The following KAZN variants were observed in gnomAD, a reference collection of about 807,000 sequenced individuals.
The protein encoded by KAZN is kazrin, periplakin interacting protein.
Under a neutral mutation model 87.4 loss-of-function variants are expected in KAZN, and 40 were observed. The ratio of observed to expected loss-of-function variants is 0.46; its 90% CI spans 0.36 to 0.60. KAZN has a LOEUF of 0.60. Ranked by LOEUF, KAZN falls within the 20% of genes least tolerant of loss-of-function variation. The pLI is 0.00. For synonymous variants in KAZN, 466 were observed against 458.3 expected, an observed-to-expected ratio of 1.02 and a Z score of -0.22; for missense variants, 898 against 1,073.9, an observed-to-expected ratio of 0.84 and a Z score of 2.29.
chr1:14,338,709 A>G (rs576287392), intron 2 of KAZN, among the ~76,000 whole-genome samples: 30 of 152,314 alleles, frequency 2.0e-4, no homozygotes, highest in African/African-American at 7.2e-4. Context: ...ATTGTGTTCA[A>G]TCTGGCAGGG....
intron 1 of KAZN, among the ~76,000 whole-genome samples, chr1:14,717,946 T>C (rs1642887283): frequency 6.6e-6 from 1 of 152,190 alleles, no homozygotes; most frequent in Non-Finnish European, 1.5e-5. Flanking sequence ...CTCTCTTTGG[T>C]TCAGAATACA....
intron 1 of KAZN, among the ~76,000 whole-genome samples, chr1:14,628,409 C>T (rs550421577): frequency 6.6e-6 from 1 of 152,060 alleles, no homozygotes; most frequent in Non-Finnish European, 1.5e-5. Context: ...TAGATAAAGC[C>T]CAATGTGAGA....
chr1:14,089,792 G>C (rs984582143), intron 1 of KAZN, among the ~76,000 whole-genome samples: 4 of 152,144 alleles, frequency 2.6e-5, no homozygotes, highest in Non-Finnish European at 5.9e-5. Context: ...GCTTCAGCCA[G>C]TGTATCAGCA....
intron 1 of KAZN, among the ~76,000 whole-genome samples, chr1:14,046,556 C>T (rs189747464): frequency 9.2e-5 from 14 of 152,296 alleles, no homozygotes; most frequent in Admixed American, 4.6e-4. Context: ...TTTTTCCTCC[C>T]GCATAGAACT....
At chr1:14,604,852 G>A (rs60804745) in intron 1 of KAZN, among the ~76,000 whole-genome samples, 26,857 of 152,140 alleles carry the variant, frequency 0.18, 2,581 homozygotes, top group East Asian at 0.32. Flanking sequence ...AGAGCCCCAG[G>A]GCCTCTGCCC....
At chr1:14,194,740 CT>C (rs1646491890) in intron 2 of KAZN, among the ~76,000 whole-genome samples, 1 of 152,128 alleles carries the variant, frequency 6.6e-6, no homozygotes, top group African/African-American at 2.4e-5. Context: ...GGCATGGGCC[CT>C]TGAGGGAACG....
At chr1:14,332,734 G>A (rs1162983231) in intron 2 of KAZN, among the ~76,000 whole-genome samples, 1 of 152,172 alleles carries the variant, frequency 6.6e-6, no homozygotes, top group African/African-American at 2.4e-5. Context: ...CCTTGGGCAA[G>A]TCACTTAACA....
intron 1 of KAZN, among the ~76,000 whole-genome samples, chr1:14,619,465 A>G (rs1179359316): frequency 2.0e-5 from 3 of 152,174 alleles, no homozygotes; most frequent in Non-Finnish European, 4.4e-5. Flanking sequence ...CCCCCAAAGC[A>G]CTGGGATTGC....
At chr1:14,495,359 G>T (rs1178315028) in intron 2 of KAZN, among the ~76,000 whole-genome samples, 1 of 152,090 alleles carries the variant, frequency 6.6e-6, no homozygotes, top group Non-Finnish European at 1.5e-5. Flanking sequence ...CTAGATGAAG[G>T]CCACAGCATG....
intron 1 of KAZN, among the ~76,000 whole-genome samples, chr1:14,026,745 A>G (rs1641091580): frequency 6.6e-6 from 1 of 152,188 alleles, no homozygotes; most frequent in African/African-American, 2.4e-5. Context: ...TTCTGGTCCA[A>G]GAATTGCAGC....
intron 2 of KAZN, among the ~76,000 whole-genome samples, chr1:15,003,118 G>A (rs1031528512): frequency 6.6e-6 from 1 of 152,138 alleles, no homozygotes; most frequent in African/African-American, 2.4e-5. Context: ...CGGCTGGGAC[G>A]GGGCAGAGCT....
chr1:14,570,294 C>A lies in KAZN; in HGVS notation c.250-28689C>A, dbSNP rs925533942. Reference sequence around the variant, plus strand: ...ATGCCATAAAATGTTCCCAAGTGTACAATTTCATTTTATCTACAGAATTGT... The same window carrying A: ...ATGCCATAAAATGTTCCCAAGTGTAAAATTTCATTTTATCTACAGAATTGT... On this transcript the variant is annotated intron_variant, in intron 2 of 16. Transcript: ENST00000636203. 6.8e-5 allele frequency among the ~76,000 whole-genome samples: 10 copies of A among 147,586 alleles called. No individual in the cohort carries two copies. In the East Asian group the frequency reaches 7.9e-4, roughly 12 times the overall value.
Position 13,973,782 on chromosome 1 carries a change from C to A in KAZN, c.91+80026C>A, listed in dbSNP as rs564898519. On this transcript the variant is annotated intron_variant, in intron 1 of 16. Coordinates refer to the KAZN transcript ENST00000636203. Reference sequence around the variant, plus strand: ...TGAGGAAACTGAGCTTTAACACCAGCCCTATCACAAATGGGCTGTGTGATC... The same window carrying A: ...TGAGGAAACTGAGCTTTAACACCAGACCTATCACAAATGGGCTGTGTGATC... 2.6e-5 allele frequency among the ~76,000 whole-genome samples: 4 copies of A among 152,348 alleles called. No homozygotes were observed. In the South Asian group the frequency reaches 6.2e-4, roughly 24 times the overall value.
chr1:14,242,331 C>A (rs1649035187), intron 2 of KAZN, among the ~76,000 whole-genome samples: 1 of 151,910 alleles, frequency 6.6e-6, no homozygotes. Flanking sequence ...AGAGGGTGAC[C>A]CCAGAGAGGT....
At chr1:14,021,952 G>GTTTT (rs1570547198) in intron 1 of KAZN, among the ~76,000 whole-genome samples, 8 of 53,700 alleles carry the variant, frequency 1.5e-4, no homozygotes, top group East Asian at 9.8e-4. Context: ...GAATGAACAT[G>GTTTT]CTTTTTTTTT....
intron 1 of KAZN, among the ~76,000 whole-genome samples, chr1:14,732,907 C>G (rs891028059): frequency 1.3e-5 from 2 of 152,110 alleles, no homozygotes; most frequent in Non-Finnish European, 2.9e-5. Context: ...TCGTTTCAAA[C>G]TCCTTTAACC....
At chr1:14,822,729 G>A (rs1257599382) in intron 1 of KAZN, among the ~76,000 whole-genome samples, 5 of 152,140 alleles carry the variant, frequency 3.3e-5, no homozygotes, top group South Asian at 2.1e-4. Context: ...GTCGTGTTCC[G>A]GCATCTGGTC....
chr1:14,860,218 G>A (rs917296665), intron 1 of KAZN, among the ~76,000 whole-genome samples: 1 of 148,886 alleles, frequency 6.7e-6, no homozygotes, highest in African/African-American at 2.5e-5. Flanking sequence ...TTTCAACAGG[G>A]TCTCACTCTG....
intron 2 of KAZN, among the ~76,000 whole-genome samples, chr1:14,521,637 G>C (rs1349437759): frequency 1.3e-5 from 2 of 152,204 alleles, no homozygotes; most frequent in East Asian, 3.8e-4. Context: ...AACTGGCTTT[G>C]AACTGAGACC....
Sources: gnomAD v4.1 joint callset for allele counts (sites outside exome capture counted in the v4.1 genomes callset) on GRCh38, gnomAD v4.1.1 for gene constraint, MANE v1.5 for transcripts, NCBI Gene and HGNC (gene_info 2026-07-23, HGNC 2026-07-21) for gene names.